C12orf42: variants seen among roughly 807,000 people sequenced by gnomAD.
C12orf42 encodes the protein uncharacterized protein C12orf42.
C12orf42 carries 25 observed loss-of-function variants against 21.6 expected under a neutral mutation model. The ratio of observed to expected loss-of-function variants is 1.16; its 90% confidence interval spans 0.84 to 1.62. C12orf42 has a LOEUF of 1.62. Ranked by LOEUF, C12orf42 falls within the 40% of genes most tolerant of loss-of-function variation. The pLI is 0.00. For missense variants in C12orf42, 483 were observed against 459.3 expected (o/e 1.05, Z -0.47); for synonymous variants, 174 against 175.0 (o/e 0.99, Z 0.05).
At chr12:103,380,298 G>A (rs1195573302) in intron 3 of C12orf42, among the ~76,000 whole-genome samples, 4 of 152,066 alleles carry the variant, frequency 2.6e-5, no homozygotes, top group African/African-American at 9.7e-5. Flanking sequence ...TTTACTAAAG[G>A]AGACTCAAAG....
the C12orf42 span, among the ~76,000 whole-genome samples, chr12:103,520,708 A>C: frequency 0.015 from 2,282 of 152,288 alleles, 52 homozygotes; most frequent in African/African-American, 0.05. Context: ...AAAAAATAAA[A>C]CTAACAAAAA....
intron 10 of C12orf42, among the ~76,000 whole-genome samples, chr12:103,254,046 T>C (rs1231291307): frequency 6.6e-6 from 1 of 152,230 alleles, no homozygotes; most frequent in Non-Finnish European, 1.5e-5. Context: ...CATGAATTAT[T>C]TGCCCATGCG....
At chr12:103,185,541 C>A in the C12orf42 span, among the ~76,000 whole-genome samples, 39 of 151,918 alleles carry the variant, frequency 2.6e-4, no homozygotes, top group African/African-American at 8.9e-4. Flanking sequence ...TCCTGCCAGG[C>A]TCTTGGAAAT....
intron 3 of C12orf42, among the ~76,000 whole-genome samples, chr12:103,399,683 C>T (rs1306296615): frequency 1.3e-5 from 2 of 152,034 alleles, no homozygotes; most frequent in African/African-American, 4.8e-5. Flanking sequence ...GATAATTTCC[C>T]ATTATTTATG....
At chr12:103,092,224 G>T in the C12orf42 span, among the ~76,000 whole-genome samples, 1 of 152,198 alleles carries the variant, frequency 6.6e-6, no homozygotes, top group Non-Finnish European at 1.5e-5. Flanking sequence ...AGAGCAGGAA[G>T]TAAACGAGTT....
At chr12:103,460,031 T>A (rs2137647109) in intron 2 of C12orf42, among the ~76,000 whole-genome samples, 1 of 152,332 alleles carries the variant, frequency 6.6e-6, no homozygotes, top group African/African-American at 2.4e-5. Context: ...TCTGAAAAGT[T>A]CAGTCCAAAG....
intron 2 of C12orf42, chr12:103,472,147 C>T (rs1173596604): frequency 6.7e-6 from 1 of 148,302 alleles, no homozygotes; most frequent in Non-Finnish European, 1.5e-5. Flanking sequence ...CTCCGCCTCC[C>T]GGGTTCACGC....
At chr12:103,218,774 G>A in the C12orf42 span, among the ~76,000 whole-genome samples, 4 of 152,278 alleles carry the variant, frequency 2.6e-5, no homozygotes, top group Admixed American at 2.0e-4. Flanking sequence ...GTCCTTTCTG[G>A]TCATTTCCAC....
chr12:103,532,281 A>G, the C12orf42 span, among the ~76,000 whole-genome samples: 1 of 152,246 alleles, frequency 6.6e-6, no homozygotes, highest in South Asian at 2.1e-4. Context: ...AAACCAGGTG[A>G]GAAAATAATA....
At chr12:103,431,091 A>C (rs2082049178) in intron 2 of C12orf42, 2 of 54,230 alleles carry the variant, frequency 3.7e-5, no homozygotes, top group Admixed American at 2.6e-4. Context: ...CTGCACACAA[A>C]GTATAATAAA....
chr12:103,359,763 A>G (rs1421503150), intron 4 of C12orf42, among the ~76,000 whole-genome samples: 1 of 151,946 alleles, frequency 6.6e-6, no homozygotes, highest in Non-Finnish European at 1.5e-5. Flanking sequence ...TGCCTTCCTC[A>G]AAAGGCATAT....
At chr12:103,181,348 A>G in the C12orf42 span, among the ~76,000 whole-genome samples, 44 of 152,342 alleles carry the variant, frequency 2.9e-4, no homozygotes, top group African/African-American at 9.1e-4. Flanking sequence ...GCAATATTCC[A>G]GTGGTGGATG....
intron 2 of C12orf42, among the ~76,000 whole-genome samples, chr12:103,472,613 G>C (rs1022478243): frequency 1.3e-5 from 2 of 152,178 alleles, no homozygotes; most frequent in African/African-American, 4.8e-5. Flanking sequence ...ATATGGCAGA[G>C]CATGAGAAAA....
chr12:103,379,003 T>TAC (rs150969959), intron 3 of C12orf42, among the ~76,000 whole-genome samples: 51 of 151,686 alleles, frequency 3.4e-4, no homozygotes, highest in African/African-American at 9.7e-4. Flanking sequence ...GACTACGGTT[T>TAC]ACACACACAC....
intron 10 of C12orf42, among the ~76,000 whole-genome samples, chr12:103,248,964 T>C (rs939323408): frequency 2.0e-5 from 3 of 152,020 alleles, no homozygotes; most frequent in South Asian, 2.1e-4. Context: ...AATACATAGA[T>C]TGAAGATAGA....
the C12orf42 span, among the ~76,000 whole-genome samples, chr12:103,077,144 G>T: frequency 1.3e-5 from 2 of 152,136 alleles, no homozygotes; most frequent in Admixed American, 6.6e-5. Flanking sequence ...AAATGGATTT[G>T]TCTGTTTGCC....
At chr12:103,062,638 G>T in the C12orf42 span, among the ~76,000 whole-genome samples, 2 of 152,106 alleles carry the variant, frequency 1.3e-5, no homozygotes, top group African/African-American at 2.4e-5. Flanking sequence ...CTAATATAAC[G>T]TGTCTTTGTT....
At chr12:103,428,831 C>G (rs571055716) in intron 2 of C12orf42, among the ~76,000 whole-genome samples, 3 of 152,096 alleles carry the variant, frequency 2.0e-5, no homozygotes. Context: ...AATCAATAAA[C>G]GTAATCCATC....
At chr12:103,509,657 T>TAGC in the C12orf42 span, among the ~76,000 whole-genome samples, 1 of 152,200 alleles carries the variant, frequency 6.6e-6, no homozygotes, top group African/African-American at 2.4e-5. Flanking sequence ...GCAAACTAAC[T>TAGC]AGCTTTCAGA....
Sources: gnomAD v4.1 joint callset for allele counts (sites outside exome capture counted in the v4.1 genomes callset) on GRCh38, gnomAD v4.1.1 for gene constraint, MANE v1.5 for transcripts, NCBI Gene and HGNC (gene_info 2026-07-23, HGNC 2026-07-21) for gene names.